ACSS1: variants seen among roughly 807,000 people sequenced by gnomAD.
The protein encoded by ACSS1 is acyl-CoA synthetase short chain family member 1, also known as acetyl-coenzyme A synthetase 2-like, mitochondrial.
Under a neutral mutation model 75.3 loss-of-function variants are expected in ACSS1, and 42 were observed. The observed-to-expected ratio is 0.56, with a 90% CI of 0.44 to 0.72. ACSS1 has a LOEUF of 0.72. ACSS1 is among the 30% of genes least tolerant of loss of function. The pLI is 0.00. For synonymous variants in ACSS1, 380 were observed against 376.8 expected (o/e 1.01, Z -0.10); for missense variants, 782 against 935.7 (o/e 0.84, Z 2.14).
intron 2 of ACSS1, among the ~76,000 whole-genome samples, chr20:25,035,826 G>C (rs1292514023): frequency 6.6e-6 from 1 of 152,218 alleles, no homozygotes; most frequent in Non-Finnish European, 1.5e-5. Context: ...AAAAATAAAT[G>C]TTGTTCAAGT....
At chr20:25,008,741 C>T (rs1232427387) in intron 13 of ACSS1, among the ~76,000 whole-genome samples, 3 of 152,232 alleles carry the variant, frequency 2.0e-5, no homozygotes, top group Non-Finnish European at 4.4e-5. Context: ...AAGAACCACA[C>T]AGGGGCTGGA....
At chr20:25,016,421 C>T (rs549211294) in intron 7 of ACSS1, among the ~76,000 whole-genome samples, 1 of 152,266 alleles carries the variant, frequency 6.6e-6, no homozygotes, top group South Asian at 2.1e-4. Flanking sequence ...ATGTGTACAC[C>T]CTAGGATTCT....
intron 7 of ACSS1, among the ~76,000 whole-genome samples, chr20:25,017,276 G>A (rs1449174681): frequency 6.6e-6 from 1 of 152,216 alleles, no homozygotes; most frequent in Admixed American, 6.5e-5. Flanking sequence ...AAATCTAGGG[G>A]GAATGTCTTG....
intron 5 of ACSS1, among the ~76,000 whole-genome samples, chr20:25,022,243 C>A (rs1467365889): frequency 6.6e-6 from 1 of 152,044 alleles, no homozygotes; most frequent in African/African-American, 2.4e-5. Flanking sequence ...TGCCTGTAAT[C>A]CCAGCTACTC....
At chr20:25,047,260 G>A (rs887728347) in intron 2 of ACSS1, among the ~76,000 whole-genome samples, 2 of 152,066 alleles carry the variant, frequency 1.3e-5, no homozygotes, top group African/African-American at 2.4e-5. Flanking sequence ...ACGTCCCCTC[G>A]CTCCTGTGTC....
At chr20:25,021,326 C>G (rs777829499) in intron 6 of ACSS1, 63 bp downstream of exon 6, 89 of 1,575,734 alleles carry the variant, frequency 5.6e-5, no homozygotes, top group Non-Finnish European at 7.6e-5. Context: ...CCACAAGCCT[C>G]GAGCCTCAGG....
At position 25,041,763 on chromosome 20, in the gene ACSS1, G is replaced by A. The variant is rs2089008901; in HGVS notation, c.431+6322C>T. Among the ~76,000 whole-genome samples, 5 of 152,240 alleles carry A rather than the reference G, an allele frequency of 3.3e-5. No individual in the cohort carries two copies. The South Asian group carries it at 1.0e-3, about 31-fold the overall frequency. ...TGTTGAAAACGGGCTGGCCTACTGG[G>A]AATCCACATGAGATGGGCCACCGTG... is the stretch of plus-strand genomic sequence containing the variant. On this transcript the variant is annotated intron_variant, in intron 2 of 13. Transcript: ENST00000323482.
rs532635170 is a variant in ACSS1, at chr20:25,014,308, C to T, written c.1340-235G>A. On this transcript the variant is annotated intron_variant, in intron 8 of 13. Transcript: ENST00000323482. ...TGGCATCCCACAGCCAGGTGCAGGCCCCCTCGCCATGTCAGGCCCTTGCTT... is the reference window on the plus strand; with the variant it reads ...TGGCATCCCACAGCCAGGTGCAGGCTCCCTCGCCATGTCAGGCCCTTGCTT... Among the ~76,000 whole-genome samples the T allele has an allele frequency of 9.8e-5, 15 of 152,316 alleles. No individual in the cohort carries two copies. In the South Asian group the frequency reaches 3.1e-3, roughly 32 times the overall value.
chr20:25,047,914 C>CTG (rs1241583673), intron 2 of ACSS1, among the ~76,000 whole-genome samples, 171 bp downstream of exon 2: 1 of 152,130 alleles, frequency 6.6e-6, no homozygotes, highest in Non-Finnish European at 1.5e-5. Context: ...CCGGCTTTTA[C>CTG]TGTGTTTCAT....
intron 2 of ACSS1, among the ~76,000 whole-genome samples, chr20:25,039,438 A>T (rs1251039185): frequency 6.6e-6 from 1 of 152,248 alleles, no homozygotes; most frequent in African/African-American, 2.4e-5. Context: ...TATTCTAAGA[A>T]TGAACCTGAG....
chr20:25,046,693 C>A, intron 2 of ACSS1: 2 of 690,330 alleles, frequency 2.9e-6, no homozygotes, highest in Admixed American at 2.2e-5. Flanking sequence ...TGTTCGCAGG[C>A]AGATGGAGCT....
chr20:25,046,601 G>A (rs887769128), intron 2 of ACSS1: 22 of 568,974 alleles, frequency 3.9e-5, no homozygotes, highest in South Asian at 4.1e-5. Flanking sequence ...CTTAGCCCCC[G>A]ACCCCCAACA....
intron 2 of ACSS1, chr20:25,046,489 A>T (rs943371817): frequency 1.1e-5 from 4 of 363,032 alleles, no homozygotes; most frequent in African/African-American, 8.3e-5. Flanking sequence ...TGCCTGCCCC[A>T]GGGTCCAGGC....
chr20:25,030,257 C>T (rs181888138), intron 3 of ACSS1, among the ~76,000 whole-genome samples: 1 of 152,298 alleles, frequency 6.6e-6, no homozygotes, highest in African/African-American at 2.4e-5. Flanking sequence ...TTGACAACAG[C>T]AAAACAAGGA....
At chr20:25,053,232 T>TG (rs2089200703) in intron 1 of ACSS1, among the ~76,000 whole-genome samples, 2 of 68,920 alleles carry the variant, frequency 2.9e-5, no homozygotes, top group South Asian at 1.0e-3. Context: ...CTCGGCTAAT[T>TG]TTTTTTTTTT....
intron 1 of ACSS1, 89 bp downstream of exon 1, chr20:25,057,679 GC>G (rs1004077958): frequency 2.3e-4 from 313 of 1,346,194 alleles, no homozygotes; most frequent in Non-Finnish European, 3.0e-4. Context: ...GATCCGCGCT[GC>G]CCGGGGACGG....
intron 12 of ACSS1, 22 bp from the exon 13 acceptor site, chr20:25,009,410 G>A: frequency 6.3e-7 from 1 of 1,596,618 alleles, no homozygotes; most frequent in Non-Finnish European, 8.6e-7. Flanking sequence ...GCCAAGTTTG[G>A]GGATGTATTA....
At chr20:25,026,095 G>T (rs940952830) in intron 3 of ACSS1, among the ~76,000 whole-genome samples, 3 of 152,196 alleles carry the variant, frequency 2.0e-5, no homozygotes, top group African/African-American at 7.2e-5. Context: ...CAAGAGGGAA[G>T]ACAAATGAAG....
chr20:25,023,544 G>A lies in ACSS1; in HGVS notation c.729C>T (p.Pro243=), dbSNP rs1208631318. The part of the protein sequence containing the change: ...KIVDEAVKHC[P]TVQHVLVAHR... ...GAGCCACCAGGACATGCTGCACGGT[G>A]GGGCAGTGCTTCACAGCCTCATCCA... The change falls in exon 4 of 14, where the codon CCC becomes CCT. Residue 243 remains proline (P), a synonymous_variant. Coordinates refer to ENST00000323482, the MANE Select transcript of ACSS1 (RefSeq NM_032501.4). 6.2e-7 allele frequency: 1 copy of A among 1,613,982 alleles called. No individual in the cohort carries two copies. The highest frequency in any genetic ancestry group is 8.5e-7 in the Non-Finnish European group (1 of 1,180,028).
Sources: allele counts gnomAD v4.1 joint callset (sites outside exome capture counted in the v4.1 genomes callset), GRCh38; gene constraint gnomAD v4.1.1; transcripts MANE v1.5; gene names NCBI Gene and HGNC (gene_info 2026-07-23, HGNC 2026-07-21).